The following ALG13 variants were observed in gnomAD, a reference collection of about 807,000 sequenced individuals.
ALG13 encodes UDP-N-acetylglucosamine transferase subunit ALG13.
A neutral mutation model predicts 87.8 loss-of-function variants in ALG13; 11 were observed. That is an observed-to-expected ratio of 0.13 (90% CI 0.08 to 0.21). The LOEUF is 0.21. Among genes scored for constraint, ALG13 ranks in the 10% least tolerant of loss-of-function variants. The pLI is 1.00. For synonymous variants in ALG13, 320 were observed against 306.3 expected (o/e 1.04, Z -0.47); for missense variants, 756 against 866.1 (o/e 0.87, Z 1.60).
intron 3 of ALG13, among the ~76,000 whole-genome samples, chrX:111,687,503 A>T (rs1854601872): frequency 8.9e-6 from 1 of 111,992 alleles, no homozygotes; most frequent in African/African-American, 3.2e-5. Context: ...CCAGCTTATT[A>T]TCTTGTCTGG....
rs374664795 is a variant in ALG13 at position 111,723,595 on chromosome X, CTG to C, written c.1501-199_1501-198del. ...GAAAAAAAAAATGTTTCTTTAATGT[CTG>C]TGTTAAATTTTAATTACAAATTTAG... On this transcript the variant is annotated intron_variant, in intron 13 of 26. Coordinates refer to ENST00000394780, the MANE Select transcript of ALG13 (RefSeq NM_001099922.3). Among the ~76,000 whole-genome samples the C allele has an allele frequency of 5.8e-3, 653 of 111,846 alleles. 4 individuals are homozygous for C. Among genetic ancestry groups the C allele is most frequent in the African/African-American group, 0.02 (616 of 30,792 alleles).
At chrX:111,710,185 C>G (rs1276290508) in intron 5 of ALG13, among the ~76,000 whole-genome samples, 1 of 110,058 alleles carries the variant, frequency 9.1e-6, no homozygotes, top group East Asian at 2.9e-4. Flanking sequence ...CACACGCCAC[C>G]TCACTGGGCT....
intron 25 of ALG13, 90 bp from the exon 26 acceptor site, chrX:111,757,498 T>A: frequency 1.5e-6 from 1 of 676,909 alleles, no homozygotes; most frequent in East Asian, 4.2e-5. Context: ...TTCTTATTTT[T>A]TTTTTTTTTT....
chrX:111,727,310 T>C, intron 16 of ALG13, 22 bp from the exon 17 acceptor site: 1 of 1,141,041 alleles, frequency 8.8e-7, no homozygotes, highest in Non-Finnish European at 1.2e-6. Flanking sequence ...AGAGTTCTAG[T>C]TTCCTTTCTC....
chrX:111,689,109 C>T (rs751107826), intron 3 of ALG13: 7 of 648,487 alleles, frequency 1.1e-5, no homozygotes, highest in East Asian at 1.6e-4. Context: ...AAAATGCTTA[C>T]TAGTGGTAGA....
At chrX:111,689,644 A>G (rs1203772732) in intron 3 of ALG13, 1 of 740,457 alleles carries the variant, frequency 1.4e-6, no homozygotes, top group Non-Finnish European at 1.6e-6. Context: ...TTGATTTGGC[A>G]CGGATTCTTG....
At chrX:111,730,804 T>G (rs1369416650) in intron 21 of ALG13, among the ~76,000 whole-genome samples, 1 of 112,373 alleles carries the variant, frequency 8.9e-6, no homozygotes, top group Non-Finnish European at 1.9e-5. Flanking sequence ...GGTTTTATTA[T>G]GATTTTTTTA....
chrX:111,722,629 TAACTC>T (rs1252599902), intron 12 of ALG13, among the ~76,000 whole-genome samples, 159 bp from the exon 13 acceptor site: 2 of 112,383 alleles, frequency 1.8e-5, no homozygotes, highest in Non-Finnish European at 3.8e-5. Context: ...ACTGCAGAAA[TAACTC>T]ATCCAGAATG....
chrX:111,724,456 A>G (rs1337885359), intron 14 of ALG13, among the ~76,000 whole-genome samples: 1 of 112,182 alleles, frequency 8.9e-6, no homozygotes, highest in African/African-American at 3.2e-5. Flanking sequence ...GCAGCTTAAA[A>G]CAGTAAGGTC....
intron 25 of ALG13, among the ~76,000 whole-genome samples, chrX:111,753,710 C>G (rs1255359089): frequency 1.8e-5 from 2 of 111,674 alleles, no homozygotes; most frequent in African/African-American, 6.5e-5. Context: ...CACACCCTCC[C>G]AAGACTAAAC....
chrX:111,713,181 T>C, intron 7 of ALG13, 44 bp from the exon 8 acceptor site: 2 of 907,056 alleles, frequency 2.2e-6, no homozygotes, highest in African/African-American at 1.9e-5. Context: ...CTCTTACGTA[T>C]GCCAAATTAT....
chrX:111,706,442 C>T (rs1938777636), intron 3 of ALG13, among the ~76,000 whole-genome samples: 1 of 112,669 alleles, frequency 8.9e-6, no homozygotes, highest in South Asian at 3.6e-4. Context: ...ATCACTTCTC[C>T]AGTGTTACAG....
chrX:111,752,452 G>T (rs1317070295), intron 24 of ALG13, among the ~76,000 whole-genome samples: 1 of 109,641 alleles, frequency 9.1e-6, no homozygotes, highest in Admixed American at 9.8e-5. Context: ...GTCTCGCTCT[G>T]TCACCCAGGC....
chrX:111,736,883 G>A lies in ALG13; in HGVS notation c.2695+4G>A. On this transcript the variant is annotated splice_donor_region_variant and intron_variant, in intron 23 of 26. Coordinates refer to ENST00000394780, the MANE Select transcript of ALG13 (RefSeq NM_001099922.3). ...CCACCTACACACGGCAGGCCAGGTA[G>A]GTTATTAGCAGATGCTTACTTTGGA... The A allele has an allele frequency of 8.4e-7, 1 of 1,190,255 alleles. No homozygotes were observed. The highest frequency in any genetic ancestry group is 2.3e-5 in the Admixed American group (1 of 43,340).
intron 2 of ALG13, among the ~76,000 whole-genome samples, chrX:111,684,088 C>T (rs1191878880): frequency 8.9e-6 from 1 of 111,764 alleles, no homozygotes; most frequent in Non-Finnish European, 1.9e-5. Flanking sequence ...CAGTAGAAAC[C>T]GCTCTTCGAG....
intron 3 of ALG13, among the ~76,000 whole-genome samples, chrX:111,698,084 C>G (rs1937215734): frequency 8.9e-6 from 1 of 112,028 alleles, no homozygotes; most frequent in African/African-American, 3.2e-5. Context: ...GTTGTATGTC[C>G]TATTCCTCCG....
At chrX:111,681,740 C>G in intron 1 of ALG13, 2 of 827,900 alleles carry the variant, frequency 2.4e-6, no homozygotes, top group Non-Finnish European at 2.9e-6. Flanking sequence ...CCGGCTCCTT[C>G]CCCTCAGCAC....
intron 5 of ALG13, among the ~76,000 whole-genome samples, chrX:111,709,493 A>G (rs1939354300): frequency 1.8e-5 from 2 of 111,717 alleles, no homozygotes; most frequent in Admixed American, 1.9e-4. Flanking sequence ...CAGCCAGTCA[A>G]TTTGAGGAAT....
intron 25 of ALG13, chrX:111,757,208 T>G (rs971091767): frequency 7.9e-6 from 1 of 127,068 alleles, no homozygotes. Context: ...TTTAAATATT[T>G]GACAGCATGA....
Sources: allele counts gnomAD v4.1 joint callset (sites outside exome capture counted in the v4.1 genomes callset), GRCh38; gene constraint gnomAD v4.1.1; transcripts MANE v1.5; gene names NCBI Gene and HGNC (gene_info 2026-07-23, HGNC 2026-07-21).